Variants in NSG2 observed in about 807,000 individuals in gnomAD.
NSG2 encodes neuronal vesicle trafficking-associated protein 2.
NSG2 carries 4 observed loss-of-function variants against 16.9 expected under a neutral mutation model. That is an observed-to-expected ratio of 0.24 (90% CI 0.12 to 0.54). The LOEUF is 0.54. NSG2 is among the 20% of genes least tolerant of loss of function. NSG2 has a pLI of 0.95. For synonymous variants in NSG2, 98 were observed against 88.7 expected, an observed-to-expected ratio of 1.11 and a Z score of -0.59; for missense variants, 179 against 221.1, an observed-to-expected ratio of 0.81 and a Z score of 1.21.
At position 174,072,826 on chromosome 5, in the gene NSG2, A is replaced by G. The variant is rs540134212; in HGVS notation, c.213+8511A>G. Among the ~76,000 whole-genome samples, 1 of 152,178 alleles carries G rather than the reference A, an allele frequency of 6.6e-6. No individual in the cohort carries two copies. Among genetic ancestry groups the G allele is most frequent in the Non-Finnish European group, 1.5e-5 (1 of 68,044 alleles). ...TGGCAAAACCCCATCTCTACAAAAA[A>G]TGCAAAAAATTAACTGGATGTGGTT... On this transcript the variant is annotated intron_variant, in intron 3 of 4. Transcript: ENST00000303177. This position sits in a 1 kb window ranked among gnomAD's most constrained non-coding sequence, Gnocchi z 4.0.
intron 3 of NSG2, among the ~76,000 whole-genome samples, chr5:174,102,920 A>G (rs2113478576): frequency 6.8e-6 from 1 of 147,338 alleles, no homozygotes; most frequent in Non-Finnish European, 1.5e-5. Flanking sequence ...CTGGGATCAC[A>G]GGTGCCTGCC....
intron 4 of NSG2, among the ~76,000 whole-genome samples, chr5:174,106,480 C>T: frequency 6.7e-6 from 1 of 150,214 alleles, no homozygotes; most frequent in Non-Finnish European, 1.5e-5. Flanking sequence ...TCCCCAGGTT[C>T]ATTGCCTCTT....
Position 174,046,847 on chromosome 5 carries a change from TG to T in NSG2, c.94del (p.Glu32ArgfsTer13). 6.2e-7 allele frequency: 1 copy of T among 1,614,108 alleles called. No homozygotes were observed. Among genetic ancestry groups the T allele is most frequent in the Non-Finnish European group, 8.5e-7 (1 of 1,180,020 alleles). Reference sequence around the variant, plus strand: ...CAGACCGTCCCTCTCATCACTCCCTTGGAGGTTAATCACTTACAGCTGCCTG... The same window carrying T: ...CAGACCGTCCCTCTCATCACTCCCTTGAGGTTAATCACTTACAGCTGCCTG... The part of the protein sequence containing the change: ...GFQTVPLITP[L>X]EVNHLQLPAP... On this transcript the variant is annotated frameshift_variant, in exon 2 of 5. Transcript: ENST00000303177. LOFTEE classifies it high-confidence loss of function.
chr5:174,079,531 C>T (rs1383528616), intron 3 of NSG2, among the ~76,000 whole-genome samples: 4 of 152,172 alleles, frequency 2.6e-5, no homozygotes, highest in African/African-American at 9.7e-5. Context: ...GCTGGGATTA[C>T]AGGCGTGAGC....
rs200989955 is a variant in NSG2, at chr5:174,077,747, G to GT, written c.213+13437dup. On this transcript the variant is annotated intron_variant, in intron 3 of 4. Transcript: ENST00000303177. The stretch of plus-strand genomic sequence containing the variant: ...TTCATGCAGTTATTTCCTTTCCTGC[G>GT]TTTTTCTGGTGCTATGAAAGCCTGG... Among the ~76,000 whole-genome samples, 1,233 of 152,114 alleles carry GT rather than the reference G, an allele frequency of 8.1e-3. 17 individuals carry two copies. Among genetic ancestry groups the GT allele is most frequent in the African/African-American group, 0.028 (1,170 of 41,490 alleles).
chr5:174,057,640 C>G (rs1254696266), intron 2 of NSG2, among the ~76,000 whole-genome samples: 2 of 152,202 alleles, frequency 1.3e-5, no homozygotes, highest in African/African-American at 4.8e-5. Flanking sequence ...AAGCCGTTTT[C>G]TCATTTATAA....
rs768654994 is a variant in NSG2, at chr5:174,104,216, G to T, written c.214-12G>T. On this transcript the variant is annotated splice_polypyrimidine_tract_variant and intron_variant, in intron 3 of 4. Transcript: ENST00000303177. ...GACTGAGGCTGGATGACTTAATTTTGTATTCCTCCAGGTCACCATCCTTGT... is the reference window on the plus strand; with the variant it reads ...GACTGAGGCTGGATGACTTAATTTTTTATTCCTCCAGGTCACCATCCTTGT... The T allele has an allele frequency of 1.9e-6, 3 of 1,603,642 alleles. No homozygotes were observed. The highest frequency in any genetic ancestry group is 2.2e-5 in the South Asian group (2 of 90,908).
intron 3 of NSG2, among the ~76,000 whole-genome samples, chr5:174,089,029 C>CT (rs926953120): frequency 4.6e-5 from 7 of 152,188 alleles, no homozygotes; most frequent in African/African-American, 7.2e-5. Context: ...CTTGAAGGGG[C>CT]TGAGTGGATG....
At chr5:174,062,209 A>T (rs1003735376) in intron 2 of NSG2, among the ~76,000 whole-genome samples, 23 of 152,292 alleles carry the variant, frequency 1.5e-4, no homozygotes, top group African/African-American at 5.3e-4. Flanking sequence ...ATCAAGACAC[A>T]GAAGGCATCA....
chr5:174,065,050 C>T (rs765497775), intron 3 of NSG2, among the ~76,000 whole-genome samples: 5 of 152,178 alleles, frequency 3.3e-5, no homozygotes, highest in East Asian at 1.9e-4. Flanking sequence ...CAGTGAGGGC[C>T]GGGCACGGCG....
Position 174,107,217 on chromosome 5 carries a change from C to A in NSG2, c.325-97C>A. On this transcript the variant is annotated intron_variant, in intron 4 of 4. Coordinates refer to ENST00000303177, the MANE Select transcript of NSG2 (RefSeq NM_015980.5). This position sits in a 1 kb window ranked among gnomAD's most constrained non-coding sequence, Gnocchi z 4.5. ...CTGTCACCTGCCCTCTGGCTGACAG[C>A]CCGATGCAGCTGCACTCCAGTCAGG... 2 of 1,144,576 alleles carry A rather than the reference C, an allele frequency of 1.7e-6. No individual in the cohort carries two copies. Among genetic ancestry groups the A allele is most frequent in the South Asian group, 1.9e-5 (1 of 53,546 alleles). 70.9% of individuals were successfully genotyped at this position (1,144,576 alleles called of 1,614,324 possible). A position where few individuals can be genotyped will look rare whatever the true frequency, so the allele number is the denominator to read the frequency against.
chr5:174,099,880 G>A (rs1760872134), intron 3 of NSG2, among the ~76,000 whole-genome samples: 1 of 152,060 alleles, frequency 6.6e-6, no homozygotes, highest in South Asian at 2.1e-4. Flanking sequence ...CAGTCATGGT[G>A]TCACCTCTGC....
chr5:174,077,848 G>A (rs1178748746), intron 3 of NSG2, among the ~76,000 whole-genome samples: 1 of 152,168 alleles, frequency 6.6e-6, no homozygotes, highest in Non-Finnish European at 1.5e-5. Flanking sequence ...CTTGAATACA[G>A]TAGGTGGTCA....
intron 3 of NSG2, among the ~76,000 whole-genome samples, chr5:174,074,068 C>T (rs1760290974): frequency 1.3e-5 from 2 of 152,130 alleles, no homozygotes; most frequent in Admixed American, 6.5e-5. Context: ...GCAAAGGCTA[C>T]AAATCTCCTC....
intron 2 of NSG2, among the ~76,000 whole-genome samples, chr5:174,060,513 G>A (rs1000492072): frequency 1.3e-5 from 2 of 152,164 alleles, no homozygotes; most frequent in Admixed American, 6.5e-5. Flanking sequence ...TGGCAATGTG[G>A]GAAGGTGGAC....
intron 3 of NSG2, among the ~76,000 whole-genome samples, chr5:174,096,394 C>T (rs1440847378): frequency 2.0e-5 from 3 of 152,008 alleles, no homozygotes; most frequent in African/African-American, 7.2e-5. Context: ...GGAGTGGGAA[C>T]TGGCATTCTA....
chr5:174,082,580 T>C (rs533734231), intron 3 of NSG2: 1 of 152,386 alleles, frequency 6.6e-6, no homozygotes, highest in East Asian at 1.9e-4. Flanking sequence ...GCTCTGCCAC[T>C]GGCTCCCTGT....
chr5:174,090,072 TCTC>T (rs1760698022), intron 3 of NSG2, among the ~76,000 whole-genome samples: 1 of 152,098 alleles, frequency 6.6e-6, no homozygotes, highest in Non-Finnish European at 1.5e-5. Context: ...TGGAATGCCT[TCTC>T]CTGCCTTCAC....
At chr5:174,091,275 C>T (rs376338262) in intron 3 of NSG2, 1 of 152,352 alleles carries the variant, frequency 6.6e-6, no homozygotes, top group East Asian at 1.9e-4. Flanking sequence ...TAGTCTGGCC[C>T]TGCTATGGGG....
Sources: allele counts gnomAD v4.1 joint callset (sites outside exome capture counted in the v4.1 genomes callset), GRCh38; gene constraint gnomAD v4.1.1; non-coding constraint Gnocchi (gnomAD v3.1); transcripts MANE v1.5; gene names NCBI Gene and HGNC (gene_info 2026-07-23, HGNC 2026-07-21).